The following MNS1 variants were observed in gnomAD, a reference collection of about 807,000 sequenced individuals.
The protein encoded by MNS1 is meiosis specific nuclear structural 1.
In MNS1, 63 loss-of-function variants were observed where a neutral mutation model predicts 72.0. The observed-to-expected ratio is 0.87, with a 90% CI of 0.71 to 1.08. The LOEUF (loss-of-function observed/expected upper bound fraction) is 1.08. Ranked by LOEUF, MNS1 falls within the 50% of genes least tolerant of loss-of-function variation. MNS1 has a pLI of 0.00. For synonymous variants in MNS1, 188 were observed against 172.1 expected, an observed-to-expected ratio of 1.09 and a Z score of -0.72; for missense variants, 604 against 562.4, an observed-to-expected ratio of 1.07 and a Z score of -0.75.
intron 4 of MNS1, 39 bp downstream of exon 4, chr15:56,446,802 A>G (rs759168804): frequency 6.9e-7 from 1 of 1,442,900 alleles, no homozygotes; most frequent in Non-Finnish European, 9.6e-7. Context: ...TTTATTTTCT[A>G]AATGAAGCTA....
At chr15:56,460,236 A>G (rs1201720589) in intron 2 of MNS1, among the ~76,000 whole-genome samples, 1 of 151,642 alleles carries the variant, frequency 6.6e-6, no homozygotes, top group East Asian at 1.9e-4. Flanking sequence ...TTGCATTCCA[A>G]GGAACATTCC....
intron 9 of MNS1, 76 bp downstream of exon 9, chr15:56,431,297 C>G (rs2050587989): frequency 1.3e-6 from 2 of 1,544,228 alleles, no homozygotes; most frequent in Non-Finnish European, 1.8e-6. Flanking sequence ...AACCAAGGCA[C>G]TCTAAAATCC....
At chr15:56,453,348 A>C (rs1310787706) in intron 3 of MNS1, among the ~76,000 whole-genome samples, 1 of 152,112 alleles carries the variant, frequency 6.6e-6, no homozygotes, top group Non-Finnish European at 1.5e-5. Context: ...TATTCCCTTT[A>C]ATGCAGGATT....
chr15:56,455,546 C>T (rs1341419787), intron 3 of MNS1, among the ~76,000 whole-genome samples: 1 of 152,130 alleles, frequency 6.6e-6, no homozygotes, highest in African/African-American at 2.4e-5. Context: ...AATGTAACAA[C>T]TATCGAAGTA....
At chr15:56,455,440 C>A (rs1164895492) in intron 3 of MNS1, among the ~76,000 whole-genome samples, 1 of 151,940 alleles carries the variant, frequency 6.6e-6, no homozygotes, top group Non-Finnish European at 1.5e-5. Flanking sequence ...GATACATTTG[C>A]CAAACATATT....
In MNS1 at chr15:56,431,994, G is replaced by A. The variant is rs570676730; in HGVS notation, c.1270-496C>T. Among the ~76,000 whole-genome samples the A allele has an allele frequency of 4.9e-3, 742 of 152,112 alleles. 11 individuals are homozygous for A. Among genetic ancestry groups the A allele is most frequent in the Middle Eastern group, 0.014 (4 of 294 alleles). On this transcript the variant is annotated intron_variant, in intron 8 of 9. Transcript: ENST00000260453. ...TCTTAAATAATCACATCAAAATTCT[G>A]GGCCATATAGAAAAGATGACTTGAA...
intron 7 of MNS1, 148 bp from the exon 8 acceptor site, chr15:56,434,543 A>C: frequency 1.2e-6 from 1 of 859,796 alleles, no homozygotes; most frequent in Non-Finnish European, 1.7e-6. Flanking sequence ...AACTTTGTCC[A>C]TCCCTTTAAA....
intron 2 of MNS1, among the ~76,000 whole-genome samples, chr15:56,458,350 C>A (rs1354196855): frequency 1.3e-5 from 2 of 152,066 alleles, no homozygotes; most frequent in Non-Finnish European, 2.9e-5. Flanking sequence ...CACAGAGTTC[C>A]CATATATTCC....
intron 2 of MNS1, among the ~76,000 whole-genome samples, chr15:56,459,632 T>A (rs1265979755): frequency 3.9e-5 from 6 of 152,168 alleles, no homozygotes; most frequent in African/African-American, 1.4e-4. Flanking sequence ...GTCAAGGTCA[T>A]GAAAGACAGC....
intron 7 of MNS1, among the ~76,000 whole-genome samples, chr15:56,439,720 A>G (rs1170260444): frequency 2.6e-5 from 4 of 151,712 alleles, no homozygotes; most frequent in Non-Finnish European, 4.4e-5. Context: ...CTCAAAACAG[A>G]TCACAGATTG....
At position 56,443,498 on chromosome 15, in the gene MNS1, C is replaced by T; in HGVS notation, c.943G>A (p.Asp315Asn). ...KLEEMLRQRE[D>N]LEQVRQELYQ... The stretch of plus-strand genomic sequence containing the variant: ...AATTCTTGTCGCACTTGTTCCAAAT[C>T]TTCACGTTGCCGCAGCATTTCTTCT... The change falls in exon 7 of 10, where the codon GAT becomes AAT. Residue 315 changes from aspartate (D) to asparagine (N), a missense_variant. Asp to Asn is a conservative substitution (Grantham distance 23). Transcript: ENST00000260453. 4 of 1,601,302 alleles carry T rather than the reference C, an allele frequency of 2.5e-6. No homozygotes were observed. Among genetic ancestry groups the T allele is most frequent in the Non-Finnish European group, 3.4e-6 (4 of 1,176,356 alleles).
At chr15:56,438,000 T>C (rs2050757512) in intron 7 of MNS1, among the ~76,000 whole-genome samples, 1 of 152,164 alleles carries the variant, frequency 6.6e-6, no homozygotes, top group East Asian at 1.9e-4. Flanking sequence ...TCCATGCTCA[T>C]GGATAGGAAG....
intron 9 of MNS1, chr15:56,430,066 C>G (rs1295890918): frequency 6.6e-6 from 1 of 152,110 alleles, no homozygotes; most frequent in African/African-American, 2.4e-5. Flanking sequence ...ATATCTTTTT[C>G]CTTCCTTAGC....
At position 56,463,999 on chromosome 15, in the gene MNS1, AAAGTAAC is replaced by A. The variant is rs2051040617; in HGVS notation, c.225+20_225+26del. The A allele has an allele frequency of 6.4e-7, 1 of 1,566,652 alleles. No homozygotes were observed. The highest frequency in any genetic ancestry group is 1.9e-5 in the Admixed American group (1 of 52,932). On this transcript the variant is annotated intron_variant, in intron 2 of 9. Transcript: ENST00000260453. The stretch of plus-strand genomic sequence containing the variant: ...GTTTCCAAGGTGCAAAATGAAAAAA[AAAGTAAC>A]AATGAATAGTAAAACTTACCTTTTG...
At position 56,450,133 on chromosome 15, in the gene MNS1, C is replaced by T. The variant is rs1204593286; in HGVS notation, c.354-3190G>A. Reference sequence around the variant, plus strand: ...ATTTGCAGTTTGTTTTCTAGTAATTCCAGATGGAGTTTTCCTTTCTAATAC... The same window carrying T: ...ATTTGCAGTTTGTTTTCTAGTAATTTCAGATGGAGTTTTCCTTTCTAATAC... On this transcript the variant is annotated intron_variant, in intron 3 of 9. Transcript: ENST00000260453. Among the ~76,000 whole-genome samples the T allele has an allele frequency of 7.9e-5, 12 of 152,262 alleles. No individual in the cohort carries two copies. In the South Asian group the frequency reaches 1.7e-3, roughly 21 times the overall value.
intron 3 of MNS1, chr15:56,447,792 G>A (rs1452341912): frequency 6.6e-6 from 1 of 152,048 alleles, no homozygotes; most frequent in Non-Finnish European, 1.5e-5. Flanking sequence ...TTATAAACCT[G>A]TGGTACCTCT....
chr15:56,460,009 A>AAAAAAAAAAAAAAAAAAAT, intron 2 of MNS1, among the ~76,000 whole-genome samples: 1 of 26,386 alleles, frequency 3.8e-5, no homozygotes, highest in African/African-American at 1.5e-4. Context: ...AAAAAAAAAA[A>AAAAAAAAAAAAAAAAAAAT]ATACATATAT....
intron 2 of MNS1, 91 bp downstream of exon 2, chr15:56,463,935 T>C: frequency 9.7e-7 from 1 of 1,031,746 alleles, no homozygotes; most frequent in Non-Finnish European, 1.4e-6. Flanking sequence ...CTGCTGTTGT[T>C]TATCTACTCA....
rs1336502430 is a variant in MNS1 at position 56,444,740 on chromosome 15, A to G, written c.457-67T>C. ...AACATAGTACGATAGTATATTTTAC[A>G]CCAATGTTATTGAATATTATAAAGT... is the stretch of plus-strand genomic sequence containing the variant. On this transcript the variant is annotated intron_variant, in intron 4 of 9. Transcript: ENST00000260453. 8 of 1,268,862 alleles carry G rather than the reference A, an allele frequency of 6.3e-6. No individual in the cohort carries two copies. In the African/African-American group the frequency reaches 1.2e-4, roughly 19 times the overall value. 78.6% of individuals were successfully genotyped at this position (1,268,862 alleles called of 1,614,324 possible).
Sources: gnomAD v4.1 joint callset for allele counts (sites outside exome capture counted in the v4.1 genomes callset) on GRCh38, gnomAD v4.1.1 for gene constraint, MANE v1.5 for transcripts, NCBI Gene and HGNC (gene_info 2026-07-23, HGNC 2026-07-21) for gene names.